Variants in MECOM observed in about 807,000 individuals in gnomAD.
MECOM encodes the protein MDS1 and EVI1 complex locus.
In MECOM, 13 loss-of-function variants were observed where a neutral mutation model predicts 116.3. The ratio of observed to expected loss-of-function variants is 0.11; its 90% confidence interval spans 0.07 to 0.18. The LOEUF (loss-of-function observed/expected upper bound fraction) is 0.18, where lower values mean the gene tolerates loss of function less well. MECOM is among the 10% of genes least tolerant of loss of function. MECOM has a pLI of 1.00. For synonymous variants in MECOM, 528 were observed against 535.2 expected (o/e 0.99, Z 0.19); for missense variants, 1,299 against 1,509.0 (o/e 0.86, Z 2.31).
intron 1 of MECOM, among the ~76,000 whole-genome samples, chr3:169,446,915 C>T (rs1247448200): frequency 3.9e-5 from 6 of 152,084 alleles, no homozygotes; most frequent in Admixed American, 2.0e-4. Context: ...CCTGCACATG[C>T]CATTGTGGTT....
chr3:169,402,152 G>A (rs75034524), intron 1 of MECOM, among the ~76,000 whole-genome samples: 29 of 152,248 alleles, frequency 1.9e-4, no homozygotes, highest in Admixed American at 1.0e-3. Flanking sequence ...GGAGTGGAAC[G>A]GGGATAAAAT....
chr3:169,630,258 C>T (rs1054933328), intron 1 of MECOM, among the ~76,000 whole-genome samples: 59 of 152,068 alleles, frequency 3.9e-4, no homozygotes, highest in African/African-American at 1.4e-3. Context: ...TTGCTTATGG[C>T]ACAGGCACAG....
intron 2 of MECOM, among the ~76,000 whole-genome samples, chr3:169,226,654 T>A (rs545398809): frequency 6.6e-6 from 1 of 152,192 alleles, no homozygotes; most frequent in African/African-American, 2.4e-5. Context: ...CCTTTAGACA[T>A]CTATATAAAA....
At chr3:169,413,937 G>A (rs1288118342) in intron 1 of MECOM, among the ~76,000 whole-genome samples, 1 of 152,196 alleles carries the variant, frequency 6.6e-6, no homozygotes, top group East Asian at 1.9e-4. Flanking sequence ...AGAACCTGGG[G>A]GAAGGGGCGA....
At chr3:169,097,166 C>T (rs908201746) in intron 12 of MECOM, among the ~76,000 whole-genome samples, 1 of 152,044 alleles carries the variant, frequency 6.6e-6, no homozygotes, top group Admixed American at 6.6e-5. Context: ...AAAACACTTT[C>T]TACACAAATC....
chr3:169,226,864 G>T (rs1752786799), intron 2 of MECOM, among the ~76,000 whole-genome samples: 1 of 152,114 alleles, frequency 6.6e-6, no homozygotes, highest in African/African-American at 2.4e-5. Flanking sequence ...AGAAAATTTT[G>T]CTTTTGTTTT....
At chr3:169,209,067 C>T (rs1418367150) in intron 2 of MECOM, among the ~76,000 whole-genome samples, 2 of 152,114 alleles carry the variant, frequency 1.3e-5, no homozygotes, top group African/African-American at 4.8e-5. Flanking sequence ...CTGACTTCAA[C>T]AAACCTGACA....
intron 3 of MECOM, among the ~76,000 whole-genome samples, chr3:169,137,665 A>G (rs559482913): frequency 5.9e-5 from 9 of 152,246 alleles, no homozygotes; most frequent in Non-Finnish European, 1.0e-4. Flanking sequence ...AATGAAAAAT[A>G]TGACTCCACG....
chr3:169,181,694 T>C (rs1423383188), intron 2 of MECOM, among the ~76,000 whole-genome samples: 1 of 152,188 alleles, frequency 6.6e-6, no homozygotes, highest in Non-Finnish European at 1.5e-5. Flanking sequence ...TTAGTGACAG[T>C]GTGACCCAGA....
At chr3:169,160,957 A>G (rs966976496) in intron 2 of MECOM, among the ~76,000 whole-genome samples, 1 of 152,240 alleles carries the variant, frequency 6.6e-6, no homozygotes, top group African/African-American at 2.4e-5. Context: ...ACCTCAGTAG[A>G]CGCTGTTCAA....
At chr3:169,634,906 T>TA in intron 1 of MECOM, among the ~76,000 whole-genome samples, 1 of 152,124 alleles carries the variant, frequency 6.6e-6, no homozygotes, top group East Asian at 1.9e-4. Flanking sequence ...ATCACTTTTT[T>TA]AAATCATCAG....
At chr3:169,426,588 C>T (rs1578066521) in intron 1 of MECOM, among the ~76,000 whole-genome samples, 2 of 152,124 alleles carry the variant, frequency 1.3e-5, no homozygotes, top group African/African-American at 2.4e-5. Flanking sequence ...TTTTGAAATC[C>T]GTCTGATTTA....
chr3:169,544,657 T>C (rs1157963524), intron 1 of MECOM, among the ~76,000 whole-genome samples: 2 of 152,112 alleles, frequency 1.3e-5, no homozygotes, highest in Non-Finnish European at 2.9e-5. Context: ...AAAGAAAAGG[T>C]GGTGCATATA....
chr3:169,457,194 C>T (rs777113149), intron 1 of MECOM, among the ~76,000 whole-genome samples: 69 of 152,144 alleles, frequency 4.5e-4, no homozygotes, highest in Admixed American at 2.2e-3. Flanking sequence ...ACCCCTTCCC[C>T]GAGCAGAAGG....
At chr3:169,359,191 C>G (rs62293351) in intron 2 of MECOM, among the ~76,000 whole-genome samples, 6,524 of 151,768 alleles carry the variant, frequency 0.043, 163 homozygotes, top group Non-Finnish European at 0.059. Flanking sequence ...GGTGAAATAA[C>G]TTATTTTTCT....
At chr3:169,341,055 G>C (rs1724418299) in intron 2 of MECOM, among the ~76,000 whole-genome samples, 1 of 152,102 alleles carries the variant, frequency 6.6e-6, no homozygotes, top group African/African-American at 2.4e-5. Flanking sequence ...AACTAGACCA[G>C]GGTGATAGAC....
chr3:169,259,863 G>A (rs369525854), intron 2 of MECOM, among the ~76,000 whole-genome samples: 1 of 152,364 alleles, frequency 6.6e-6, no homozygotes, highest in South Asian at 2.1e-4. Flanking sequence ...ATAGCCCCTG[G>A]AGTCTGACAG....
At chr3:169,613,488 C>T (rs1769536916) in intron 1 of MECOM, 1 of 152,152 alleles carries the variant, frequency 6.6e-6, no homozygotes, top group African/African-American at 2.4e-5. Flanking sequence ...CTGCTGCATA[C>T]AAGAATGTGG....
chr3:169,606,454 C>A (rs1768569967), intron 1 of MECOM, among the ~76,000 whole-genome samples: 10 of 151,576 alleles, frequency 6.6e-5, no homozygotes, highest in Admixed American at 6.6e-4. Flanking sequence ...TAAATGATAC[C>A]CAGTGTTTTA....
Sources: gnomAD v4.1 joint callset for allele counts (sites outside exome capture counted in the v4.1 genomes callset) on GRCh38, gnomAD v4.1.1 for gene constraint, MANE v1.5 for transcripts, NCBI Gene and HGNC (gene_info 2026-07-23, HGNC 2026-07-21) for gene names.